The following AGBL4 variants were observed in gnomAD, a reference collection of about 807,000 sequenced individuals.
The protein encoded by AGBL4 is cytosolic carboxypeptidase 6.
AGBL4 carries 58 observed loss-of-function variants against 66.4 expected under a neutral mutation model. The ratio of observed to expected loss-of-function variants is 0.87; its 90% confidence interval spans 0.71 to 1.09. The LOEUF (loss-of-function observed/expected upper bound fraction) is 1.09, where lower values mean the gene tolerates loss of function less well. Among genes scored for constraint, AGBL4 ranks in the 50% least tolerant of loss-of-function variants. The pLI, the probability that AGBL4 is intolerant of heterozygous loss-of-function variation, is 0.00. For missense variants in AGBL4, 579 were observed against 631.0 expected (o/e 0.92, Z 0.88); for synonymous variants, 234 against 222.9 (o/e 1.05, Z -0.44).
chr1:49,381,504 C>A (rs995540840), intron 3 of AGBL4, among the ~76,000 whole-genome samples: 48 of 152,000 alleles, frequency 3.2e-4, no homozygotes, highest in Non-Finnish European at 5.9e-4. Flanking sequence ...GGGTATATAC[C>A]CAAAGGATTA....
intron 2 of AGBL4, among the ~76,000 whole-genome samples, chr1:49,774,141 C>A (rs1021049379): frequency 3.3e-5 from 5 of 152,138 alleles, no homozygotes; most frequent in African/African-American, 4.8e-5. Context: ...GGGGAATGCA[C>A]CTGTGTGTAT....
At chr1:49,160,213 G>T (rs1646514628) in intron 4 of AGBL4, among the ~76,000 whole-genome samples, 1 of 152,108 alleles carries the variant, frequency 6.6e-6, no homozygotes. Context: ...TATCTACCTG[G>T]ATCTTTGATG....
chr1:49,468,654 C>T (rs955446715), intron 3 of AGBL4, among the ~76,000 whole-genome samples: 3 of 151,740 alleles, frequency 2.0e-5, no homozygotes, highest in African/African-American at 7.3e-5. Flanking sequence ...CAAATTTCAG[C>T]ATTATTTTTT....
chr1:49,924,964 G>C (rs1652615028), intron 1 of AGBL4, among the ~76,000 whole-genome samples: 1 of 152,172 alleles, frequency 6.6e-6, no homozygotes, highest in African/African-American at 2.4e-5. Flanking sequence ...AGGCCACAAG[G>C]ATGGTAACTC....
chr1:49,866,053 T>C (rs10788920), intron 1 of AGBL4: 187,465 of 207,494 alleles, frequency 0.9, 85,028 homozygotes, highest in African/African-American at 0.97. Context: ...GGAGACAAGA[T>C]TAGAGAAAGA....
chr1:49,428,841 G>A (rs1354260204), intron 3 of AGBL4, among the ~76,000 whole-genome samples: 2 of 152,156 alleles, frequency 1.3e-5, no homozygotes, highest in South Asian at 2.1e-4. Context: ...CCTCATCCAT[G>A]GCCTTAGCAA....
chr1:49,423,285 T>C (rs1645584432), intron 3 of AGBL4, among the ~76,000 whole-genome samples: 1 of 152,252 alleles, frequency 6.6e-6, no homozygotes, highest in Non-Finnish European at 1.5e-5. Flanking sequence ...TTGTCTTTTT[T>C]ATTCATCTCT....
At chr1:48,556,842 G>A (rs1003998052) in intron 11 of AGBL4, among the ~76,000 whole-genome samples, 1 of 152,224 alleles carries the variant, frequency 6.6e-6, no homozygotes, top group Non-Finnish European at 1.5e-5. Context: ...AAGCTGGAGT[G>A]TAGTGGCACG....
At chr1:48,972,112 A>G (rs1658956741) in intron 5 of AGBL4, among the ~76,000 whole-genome samples, 2 of 152,118 alleles carry the variant, frequency 1.3e-5, no homozygotes, top group Non-Finnish European at 2.9e-5. Flanking sequence ...TAAAATAAAC[A>G]GTCTATAAGC....
chr1:49,938,224 G>A (rs772353133), intron 1 of AGBL4, among the ~76,000 whole-genome samples: 8 of 152,036 alleles, frequency 5.3e-5, no homozygotes, highest in East Asian at 1.9e-4. Context: ...ACAACTCTAC[G>A]CAAATAAACC....
chr1:49,851,471 A>AT lies in AGBL4; in HGVS notation c.81dup (p.Tyr28IlefsTer20). Reference sequence around the variant, plus strand: ...CAATAGCCAGTTGGAAGCACTATATATTTGCTCACATTCCCTCCAATGGCA... The same window carrying AT: ...CAATAGCCAGTTGGAAGCACTATATATTTTGCTCACATTCCCTCCAATGGCA... On this transcript the variant is annotated frameshift_variant, in exon 2 of 14. Coordinates refer to ENST00000371839, the MANE Select transcript of AGBL4 (RefSeq NM_032785.4). LOFTEE classifies it high-confidence loss of function. The AT allele has an allele frequency of 1.3e-6, 2 of 1,550,312 alleles. No individual in the cohort carries two copies. The highest frequency in any genetic ancestry group is 1.7e-6 in the Non-Finnish European group (2 of 1,146,160).
chr1:48,779,996 G>A (rs536190005), intron 6 of AGBL4, among the ~76,000 whole-genome samples: 2 of 151,836 alleles, frequency 1.3e-5, no homozygotes, highest in Non-Finnish European at 2.9e-5. Flanking sequence ...TTACAGATGT[G>A]AGCCACCGCG....
chr1:48,775,241 G>C (rs1645019476), intron 6 of AGBL4, among the ~76,000 whole-genome samples: 1 of 152,148 alleles, frequency 6.6e-6, no homozygotes, highest in South Asian at 2.1e-4. Context: ...GATAGAGCCT[G>C]TCAAAAAGGG....
intron 3 of AGBL4, among the ~76,000 whole-genome samples, chr1:49,667,060 C>A (rs1209825231): frequency 6.6e-6 from 1 of 152,098 alleles, no homozygotes; most frequent in East Asian, 1.9e-4. Context: ...CTATAACTAT[C>A]AAAACAAGAA....
intron 3 of AGBL4, among the ~76,000 whole-genome samples, chr1:49,621,602 T>C (rs953445916): frequency 7.2e-5 from 11 of 152,232 alleles, no homozygotes; most frequent in African/African-American, 2.4e-4. Flanking sequence ...TAATTAAGAA[T>C]ATTAGCACAG....
intron 4 of AGBL4, among the ~76,000 whole-genome samples, chr1:49,228,353 A>G (rs1650061928): frequency 6.6e-6 from 1 of 152,228 alleles, no homozygotes; most frequent in Non-Finnish European, 1.5e-5. Flanking sequence ...TAAATTATAC[A>G]TGTTCCTTTG....
At chr1:49,884,989 A>G (rs1355651859) in intron 1 of AGBL4, among the ~76,000 whole-genome samples, 1 of 151,962 alleles carries the variant, frequency 6.6e-6, no homozygotes, top group Non-Finnish European at 1.5e-5. Flanking sequence ...TAAATGGGTT[A>G]TGCTGCTGAT....
At chr1:49,983,333 C>T (rs1659230781) in intron 1 of AGBL4, among the ~76,000 whole-genome samples, 1 of 152,244 alleles carries the variant, frequency 6.6e-6, no homozygotes, top group Non-Finnish European at 1.5e-5. Flanking sequence ...GACAAGGAAG[C>T]TGCTTGTGGT....
chr1:48,839,072 T>C (rs1646743466), intron 6 of AGBL4, among the ~76,000 whole-genome samples: 1 of 152,152 alleles, frequency 6.6e-6, no homozygotes, highest in Non-Finnish European at 1.5e-5. Context: ...TCATACACTG[T>C]TGATGGGAAT....
Sources: allele counts gnomAD v4.1 joint callset (sites outside exome capture counted in the v4.1 genomes callset), GRCh38; gene constraint gnomAD v4.1.1; transcripts MANE v1.5; gene names NCBI Gene and HGNC (gene_info 2026-07-23, HGNC 2026-07-21).